The following PIP5K1C variants were observed in gnomAD, a reference collection of about 807,000 sequenced individuals.
The protein encoded by PIP5K1C is phosphatidylinositol-4-phosphate 5-kinase type 1 gamma.
A neutral mutation model predicts 80.1 loss-of-function variants in PIP5K1C; 45 were observed. The observed-to-expected ratio is 0.56, with a 90% CI of 0.44 to 0.72. The LOEUF is 0.72. Among genes scored for constraint, PIP5K1C ranks in the 30% least tolerant of loss-of-function variants. The probability of loss-of-function intolerance (pLI) is 0.00; values close to 1 mark genes in which losing one functional copy is unlikely to be tolerated. For missense variants in PIP5K1C, 753 were observed against 954.6 expected, an observed-to-expected ratio of 0.79 and a Z score of 2.78; for synonymous variants, 498 against 420.1, an observed-to-expected ratio of 1.19 and a Z score of -2.27.
chr19:3,655,148 G>GTGGCTCAC (rs1468000580), intron 6 of PIP5K1C, among the ~76,000 whole-genome samples: 2 of 147,540 alleles, frequency 1.4e-5, no homozygotes, highest in Non-Finnish European at 3.0e-5. Flanking sequence ...GCCAGGCGCG[G>GTGGCTCAC]TGGCTCACGC....
At chr19:3,690,106 C>CTT (rs113807797) in intron 1 of PIP5K1C, among the ~76,000 whole-genome samples, 3 of 146,752 alleles carry the variant, frequency 2.0e-5, no homozygotes, top group Admixed American at 6.9e-5. Context: ...AGTCTGATTA[C>CTT]TTTTTTTTTT....
intron 9 of PIP5K1C, among the ~76,000 whole-genome samples, chr19:3,647,828 T>A (rs996203836): frequency 9.2e-5 from 14 of 152,142 alleles, no homozygotes; most frequent in Non-Finnish European, 1.9e-4. Context: ...GTGCCAGTAA[T>A]CCCAGCTACT....
chr19:3,684,949 G>A (rs2035708038), intron 1 of PIP5K1C, among the ~76,000 whole-genome samples: 1 of 152,340 alleles, frequency 6.6e-6, no homozygotes, highest in African/African-American at 2.4e-5. Context: ...CTGGGTGTGG[G>A]ATGGGGGAGG....
rs549957121 is a variant in PIP5K1C at position 3,696,109 on chromosome 19, G to A, written c.94+4188C>T. Among the ~76,000 whole-genome samples, 3 of 152,316 alleles carry A rather than the reference G, an allele frequency of 2.0e-5. No homozygotes were observed. The East Asian group carries it at 5.8e-4, about 29-fold the overall frequency. On this transcript the variant is annotated intron_variant, in intron 1 of 17. Transcript: ENST00000335312. The surrounding 1 kb of genome is among the most constrained non-coding windows in gnomAD (Gnocchi z 4.1). ...TGCTGACTCCCTGCCCGGCCGCCCT[G>A]TGACCACACTACACTGTGCTCCAGG...
intron 12 of PIP5K1C, among the ~76,000 whole-genome samples, 156 bp from the exon 13 acceptor site, chr19:3,643,537 C>T (rs548427661): frequency 1.5e-4 from 23 of 152,170 alleles, no homozygotes; most frequent in Admixed American, 1.4e-3. Flanking sequence ...GGAAGGACGA[C>T]GTTCCCCCTC....
intron 1 of PIP5K1C, among the ~76,000 whole-genome samples, chr19:3,678,869 G>A (rs1160040024): frequency 9.0e-5 from 13 of 144,206 alleles, no homozygotes; most frequent in African/African-American, 3.4e-4. Flanking sequence ...TGGCGGGATG[G>A]CAGGATGGAG....
At chr19:3,646,137 G>T (rs1200816228) in intron 10 of PIP5K1C, 79 bp from the exon 11 acceptor site, 6 of 840,318 alleles carry the variant, frequency 7.1e-6, no homozygotes, top group Non-Finnish European at 1.2e-5. Context: ...GACAGACGCT[G>T]TATGTGTGTG....
rs138041691 is a variant in PIP5K1C, at chr19:3,666,106, G to A, written c.127-1192C>T. 1.5e-3 allele frequency among the ~76,000 whole-genome samples: 230 copies of A among 152,318 alleles called. 2 individuals are homozygous for A. In the East Asian group the frequency reaches 0.023, roughly 15 times the overall value. ...GCGCCACCCTCCACACTGCCCCCAC[G>A]CCGGGGGACTCTGAGGAAGGATCCC... On this transcript the variant is annotated intron_variant, in intron 2 of 17. Transcript: ENST00000335312.
At chr19:3,642,990 G>T in intron 13 of PIP5K1C, 51 bp from the exon 14 acceptor site, 1 of 1,602,532 alleles carries the variant, frequency 6.2e-7, no homozygotes, top group Non-Finnish European at 8.5e-7. Context: ...TGGCCCGCCT[G>T]CTCAGTCTAC....
At chr19:3,693,793 G>T (rs1243721715) in intron 1 of PIP5K1C, among the ~76,000 whole-genome samples, 1 of 152,200 alleles carries the variant, frequency 6.6e-6, no homozygotes, top group African/African-American at 2.4e-5. Context: ...GGCCACCATG[G>T]GGGCGCATGC....
intron 1 of PIP5K1C, among the ~76,000 whole-genome samples, chr19:3,699,363 A>T (rs867922672): frequency 6.8e-5 from 10 of 147,298 alleles, no homozygotes; most frequent in East Asian, 6.1e-4. Flanking sequence ...TGACTTCCAC[A>T]CTCTCTCTCT....
rs1228821377 is a variant in PIP5K1C, at chr19:3,700,378, C to T, written c.13G>A (p.Val5Ile). The T allele has an allele frequency of 3.3e-6, 4 of 1,211,930 alleles. No individual in the cohort carries two copies. Among genetic ancestry groups the T allele is most frequent in the African/African-American group, 1.6e-5 (1 of 62,050 alleles). The allele number at this position is 1,211,930 out of a possible 1,614,324, so 75.1% of individuals were successfully genotyped here. A position where few individuals can be genotyped will look rare whatever the true frequency, so the allele number is the denominator to read the frequency against. The change falls in exon 1 of 18, where the codon GTA becomes ATA. Residue 5 changes from valine to isoleucine, a missense_variant. Val to Ile is a conservative substitution (Grantham distance 29). Around this residue, in one of 6 missense-constraint regions of PIP5K1C, gnomAD observed 78 missense variants for 67.1 expected, o/e 1.16. Coordinates refer to ENST00000335312, the MANE Select transcript of PIP5K1C (RefSeq NM_012398.3). ...TCAGCGCTCTCCGCCTCGTCCGGTA[C>T]CTCCAGCTCCATGGCCGCGCGCGGA... The part of the protein sequence containing the change: MELE[V>I]PDEAESAEAG...
At chr19:3,651,332 A>C (rs2034441502) in intron 8 of PIP5K1C, among the ~76,000 whole-genome samples, 1 of 152,172 alleles carries the variant, frequency 6.6e-6, no homozygotes. Context: ...CTGGGAGTAC[A>C]GGCATGAGAC....
intron 1 of PIP5K1C, among the ~76,000 whole-genome samples, chr19:3,691,432 C>A (rs541485470): frequency 6.6e-6 from 1 of 152,202 alleles, no homozygotes. Flanking sequence ...GAGCAACCAA[C>A]CGCGAGCCCA....
chr19:3,654,805 C>T (rs968393776), intron 6 of PIP5K1C, among the ~76,000 whole-genome samples: 57 of 143,318 alleles, frequency 4.0e-4, no homozygotes, highest in African/African-American at 1.5e-3. Context: ...CAGAGCCAGA[C>T]TCCATCTCAA....
At chr19:3,642,666 A>G (rs1227111148) in intron 14 of PIP5K1C, among the ~76,000 whole-genome samples, 1 of 152,178 alleles carries the variant, frequency 6.6e-6, no homozygotes, top group Admixed American at 6.5e-5. Flanking sequence ...GTTAAAAAAA[A>G]AACTTAATAG....
Position 3,643,251 on chromosome 19 carries a change from C to CGGCTGCTCCG in PIP5K1C, c.1631_1640dup (p.Arg548GlyfsTer65). 1 of 1,613,508 alleles carries CGGCTGCTCCG rather than the reference C, an allele frequency of 6.2e-7. No homozygotes were observed. Among genetic ancestry groups the CGGCTGCTCCG allele is most frequent in the Non-Finnish European group, 8.5e-7 (1 of 1,179,846 alleles). On this transcript the variant is annotated frameshift_variant, in exon 13 of 18. Coordinates refer to ENST00000335312, the MANE Select transcript of PIP5K1C (RefSeq NM_012398.3). LOFTEE classifies it high-confidence loss of function. The stretch of plus-strand genomic sequence containing the variant: ...GCGGATGCCTCGCCCACCTGTACCG[C>CGGCTGCTCCG]GGCTGCTCCGACGTCTCCGAGGGGG...
intron 1 of PIP5K1C, 43 bp from the exon 2 acceptor site, chr19:3,667,396 C>T (rs1600029860): frequency 6.2e-7 from 1 of 1,611,844 alleles, no homozygotes; most frequent in South Asian, 1.1e-5. Flanking sequence ...AAACCGGTGA[C>T]CTCTGGGAGT....
At chr19:3,685,729 CAA>C (rs754344914) in intron 1 of PIP5K1C, among the ~76,000 whole-genome samples, 6 of 113,398 alleles carry the variant, frequency 5.3e-5, no homozygotes, top group Admixed American at 9.2e-5. Context: ...GACTCCGTCT[CAA>C]AAAAAAAAAA....
Sources: gnomAD v4.1 joint callset for allele counts (sites outside exome capture counted in the v4.1 genomes callset) on GRCh38, gnomAD v4.1.1 for gene constraint, gnomAD v4.1.1 regional missense constraint, Gnocchi (gnomAD v3.1) non-coding constraint, MANE v1.5 for transcripts, NCBI Gene and HGNC (gene_info 2026-07-23, HGNC 2026-07-21) for gene names.